The following RNLS variants were observed in gnomAD, a reference collection of about 807,000 sequenced individuals.
RNLS encodes the protein renalase.
In RNLS, 39 loss-of-function variants were observed where a neutral mutation model predicts 39.8. The observed-to-expected ratio is 0.98, with a 90% confidence interval of 0.76 to 1.28. The LOEUF (loss-of-function observed/expected upper bound fraction) is 1.28, where lower values mean the gene tolerates loss of function less well. Ranked by LOEUF, RNLS falls within the 50% of genes most tolerant of loss-of-function variation. The pLI is 0.00. For missense variants in RNLS, 410 were observed against 413.3 expected, an observed-to-expected ratio of 0.99 and a Z score of 0.07; for synonymous variants, 147 against 150.7, an observed-to-expected ratio of 0.98 and a Z score of 0.18.
At chr10:88,496,178 G>C (rs934723952) in intron 4 of RNLS, among the ~76,000 whole-genome samples, 1 of 152,042 alleles carries the variant, frequency 6.6e-6, no homozygotes, top group African/African-American at 2.4e-5. Context: ...GAAAGGTAGA[G>C]AGCAATTACC....
chr10:88,462,823 T>TA (rs1843000822), intron 4 of RNLS, among the ~76,000 whole-genome samples: 1 of 129,508 alleles, frequency 7.7e-6, no homozygotes, highest in African/African-American at 3.6e-5. Flanking sequence ...TTTGTCCTGC[T>TA]AAGGAAAAAA....
the RNLS span, among the ~76,000 whole-genome samples, chr10:88,181,950 A>G: frequency 6.6e-6 from 1 of 152,168 alleles, no homozygotes; most frequent in African/African-American, 2.4e-5. Context: ...TGCTCCCTAA[A>G]GTTTGAAATA....
chr10:88,343,732 C>T (rs1224608981), intron 5 of RNLS: 2 of 985,254 alleles, frequency 2.0e-6, no homozygotes, highest in African/African-American at 1.7e-5. Flanking sequence ...TTGGCCGACA[C>T]CTCCCAAGCT....
chr10:88,362,611 T>C lies in RNLS; in HGVS notation c.641A>G (p.Tyr214Cys). 6.2e-7 allele frequency: 1 copy of C among 1,613,992 alleles called. No homozygotes were observed. The highest frequency in any genetic ancestry group is 1.7e-5 in the Admixed American group (1 of 59,946). ...GCGTATGCAGGGATTACTGGTGATG[T>C]ACTGCCCAGCCCAAGGGACATCAAT... Reference protein sequence around the residue: ...TKIDVPWAGQYITSNPCIRFV... With the variant: ...TKIDVPWAGQCITSNPCIRFV... The change falls in exon 5 of 7, where the codon TAC (tyrosine) becomes TGC (cysteine). Residue 214 changes from tyrosine to cysteine, a missense_variant. Physicochemically the swap from Tyr to Cys is radical, Grantham distance 194 (BLOSUM62 -2). Transcript: ENST00000331772.
At chr10:88,279,208 T>G (rs1280951751), downstream of RNLS, among the ~76,000 whole-genome samples, 3 of 152,134 alleles carry the variant, frequency 2.0e-5, no homozygotes. Context: ...TTAAATACAG[T>G]CACCAGTGAG....
At chr10:88,184,529 G>A in the RNLS span, among the ~76,000 whole-genome samples, 1 of 151,960 alleles carries the variant, frequency 6.6e-6, no homozygotes, top group Non-Finnish European at 1.5e-5. Flanking sequence ...TCTCCCCCCA[G>A]CCAAATGACT....
intron 6 of RNLS, among the ~76,000 whole-genome samples, chr10:88,295,099 T>C (rs1843985082): frequency 6.6e-6 from 1 of 152,150 alleles, no homozygotes; most frequent in South Asian, 2.1e-4. Flanking sequence ...CAGATTTTTG[T>C]AGTGAAGTAG....
chr10:88,221,537 A>G, the RNLS span, among the ~76,000 whole-genome samples: 1 of 152,228 alleles, frequency 6.6e-6, no homozygotes, highest in Non-Finnish European at 1.5e-5. Context: ...ATCAGAATAA[A>G]ATACACTTAA....
the RNLS span, among the ~76,000 whole-genome samples, chr10:88,190,842 C>T: frequency 6.6e-6 from 1 of 152,198 alleles, no homozygotes; most frequent in Non-Finnish European, 1.5e-5. Context: ...TCAACTGATT[C>T]AGCCATGTCT....
intron 4 of RNLS, among the ~76,000 whole-genome samples, chr10:88,444,066 C>T (rs1208238879): frequency 6.6e-6 from 1 of 152,202 alleles, no homozygotes; most frequent in Non-Finnish European, 1.5e-5. Context: ...CTGGGAGGCA[C>T]CCCCCAGTAG....
chr10:88,341,395 A>G (rs1266213630), intron 5 of RNLS, among the ~76,000 whole-genome samples: 2 of 151,930 alleles, frequency 1.3e-5, no homozygotes, highest in Non-Finnish European at 2.9e-5. Flanking sequence ...TCACCAGAAT[A>G]CCTAGAACAA....
the RNLS span, among the ~76,000 whole-genome samples, chr10:88,265,018 T>C: frequency 6.4e-4 from 98 of 152,220 alleles, no homozygotes; most frequent in Non-Finnish European, 8.7e-4. Context: ...TTGTACAAGG[T>C]GAGAGATGAG....
chr10:88,228,477 C>G, the RNLS span, among the ~76,000 whole-genome samples: 1 of 152,192 alleles, frequency 6.6e-6, no homozygotes, highest in African/African-American at 2.4e-5. Flanking sequence ...CATACTCTTC[C>G]ACAGTGCAAG....
chr10:88,538,435 A>G (rs1348034424), intron 4 of RNLS, among the ~76,000 whole-genome samples: 1 of 152,188 alleles, frequency 6.6e-6, no homozygotes, highest in African/African-American at 2.4e-5. Context: ...CATTTCTGCC[A>G]CTGTTGTATC....
chr10:88,238,233 T>C, the RNLS span, among the ~76,000 whole-genome samples: 1 of 152,226 alleles, frequency 6.6e-6, no homozygotes, highest in Admixed American at 6.5e-5. Flanking sequence ...AACATATGTG[T>C]TGAATATTTG....
intron 4 of RNLS, among the ~76,000 whole-genome samples, chr10:88,461,125 A>C (rs891544521): frequency 6.6e-6 from 1 of 152,114 alleles, no homozygotes; most frequent in African/African-American, 2.4e-5. Flanking sequence ...CCACAGTGCC[A>C]ATCTGCCCTT....
intron 5 of RNLS, among the ~76,000 whole-genome samples, chr10:88,341,866 T>C (rs1847981628): frequency 1.3e-5 from 2 of 152,174 alleles, no homozygotes; most frequent in Admixed American, 6.5e-5. Context: ...AGTATTTTCA[T>C]ATAACCAATT....
chr10:88,243,683 C>T, the RNLS span, among the ~76,000 whole-genome samples: 1 of 152,196 alleles, frequency 6.6e-6, no homozygotes, highest in Non-Finnish European at 1.5e-5. Context: ...AAATGTTCAG[C>T]CTAAAGCATT....
At chr10:88,473,348 T>G (rs2576181) in intron 4 of RNLS, among the ~76,000 whole-genome samples, 45,372 of 152,032 alleles carry the variant, frequency 0.3, 8,201 homozygotes, top group East Asian at 0.45. Flanking sequence ...GATGAGAGTT[T>G]GTCTTGCATG....
Sources: gnomAD v4.1 joint callset for allele counts (sites outside exome capture counted in the v4.1 genomes callset) on GRCh38, gnomAD v4.1.1 for gene constraint, MANE v1.5 for transcripts, NCBI Gene and HGNC (gene_info 2026-07-23, HGNC 2026-07-21) for gene names.